TCF7L1: variants seen among roughly 807,000 people sequenced by gnomAD.
The protein encoded by TCF7L1 is transcription factor 7 like 1.
TCF7L1 carries 18 observed loss-of-function variants against 63.7 expected under a neutral mutation model. That is an observed-to-expected ratio of 0.28 (90% CI 0.20 to 0.42). The LOEUF is 0.42. Ranked by LOEUF, TCF7L1 falls within the 10% of genes least tolerant of loss-of-function variation. The probability of loss-of-function intolerance (pLI) is 1.00; values close to 1 mark genes in which losing one functional copy is unlikely to be tolerated. For missense variants in TCF7L1, 654 were observed against 779.3 expected (o/e 0.84, Z 1.91); for synonymous variants, 355 against 340.9 (o/e 1.04, Z -0.46).
chr2:85,167,720 T>C (rs1025277715), intron 3 of TCF7L1, among the ~76,000 whole-genome samples: 5 of 152,028 alleles, frequency 3.3e-5, no homozygotes, highest in Non-Finnish European at 7.4e-5. Context: ...AAAAATAAGC[T>C]GAGCATGGTG....
chr2:85,221,596 G>C (rs377474648), intron 3 of TCF7L1, among the ~76,000 whole-genome samples: 7 of 152,152 alleles, frequency 4.6e-5, no homozygotes, highest in African/African-American at 1.7e-4. Context: ...ACGGCAGAAT[G>C]GGGGATGGGG....
At chr2:85,250,313 C>G (rs985709831) in intron 3 of TCF7L1, among the ~76,000 whole-genome samples, 5 of 152,156 alleles carry the variant, frequency 3.3e-5, no homozygotes, top group African/African-American at 1.2e-4. Context: ...TGCAATAGAC[C>G]AAAGCCATAA....
At chr2:85,225,283 A>C (rs1253784375) in intron 3 of TCF7L1, among the ~76,000 whole-genome samples, 1 of 152,078 alleles carries the variant, frequency 6.6e-6, no homozygotes, top group Non-Finnish European at 1.5e-5. Flanking sequence ...TCCATATGAA[A>C]TTTAAAGTAG....
chr2:85,246,891 C>T (rs1470172156), intron 3 of TCF7L1, among the ~76,000 whole-genome samples: 2 of 152,190 alleles, frequency 1.3e-5, no homozygotes, highest in Non-Finnish European at 2.9e-5. Context: ...TGCTCTGTGC[C>T]TGATGTCACC....
intron 3 of TCF7L1, among the ~76,000 whole-genome samples, chr2:85,263,595 A>G (rs1465671411): frequency 1.3e-5 from 2 of 152,212 alleles, no homozygotes; most frequent in East Asian, 3.8e-4. Flanking sequence ...CATAATTGTT[A>G]AAGGTGTTCC....
chr2:85,306,187 C>A lies in TCF7L1; in HGVS notation c.990-19C>A. 1 of 1,613,930 alleles carries A rather than the reference C, an allele frequency of 6.2e-7. No individual in the cohort carries two copies. Among genetic ancestry groups the A allele is most frequent in the African/African-American group, 1.3e-5 (1 of 75,010 alleles). ...GTGTGACACCTGACATGCTAACCTA[C>A]AACCACGTGCCTTCCCAGGAAATCA... On this transcript the variant is annotated intron_variant, in intron 8 of 11. Coordinates refer to ENST00000282111, the MANE Select transcript of TCF7L1 (RefSeq NM_031283.3). The surrounding 1 kb of genome is among the most constrained non-coding windows in gnomAD (Gnocchi z 4.3).
At chr2:85,237,769 G>T (rs1431502468) in intron 3 of TCF7L1, among the ~76,000 whole-genome samples, 1 of 123,894 alleles carries the variant, frequency 8.1e-6, no homozygotes. Flanking sequence ...GGGGCATGAA[G>T]AAGGAGGGAG....
chr2:85,146,011 G>A (rs1230393323), intron 3 of TCF7L1, among the ~76,000 whole-genome samples: 2 of 152,036 alleles, frequency 1.3e-5, no homozygotes, highest in African/African-American at 4.8e-5. Context: ...GAGCCCAGCT[G>A]AGATGATGCA....
chr2:85,292,836 C>A (rs1244694491), intron 4 of TCF7L1, among the ~76,000 whole-genome samples: 1 of 152,246 alleles, frequency 6.6e-6, no homozygotes, highest in Non-Finnish European at 1.5e-5. Context: ...CCTTAGCCTC[C>A]CAAAGTGCTG....
At chr2:85,249,741 A>C (rs1364789247) in intron 3 of TCF7L1, among the ~76,000 whole-genome samples, 1 of 152,170 alleles carries the variant, frequency 6.6e-6, no homozygotes, top group Non-Finnish European at 1.5e-5. Flanking sequence ...CTGGGCCTCC[A>C]TCCAGGCCTT....
chr2:85,230,721 C>A (rs1680057466), intron 3 of TCF7L1, among the ~76,000 whole-genome samples: 1 of 152,168 alleles, frequency 6.6e-6, no homozygotes, highest in African/African-American at 2.4e-5. Context: ...CATAGAGTGC[C>A]CATTTCTCCT....
chr2:85,239,950 A>C (rs992419692), intron 3 of TCF7L1, among the ~76,000 whole-genome samples: 1 of 151,706 alleles, frequency 6.6e-6, no homozygotes, highest in Non-Finnish European at 1.5e-5. Flanking sequence ...CATCTAAAAA[A>C]AAAAAAAAAA....
intron 3 of TCF7L1, among the ~76,000 whole-genome samples, chr2:85,156,492 G>T (rs758373928): frequency 3.9e-5 from 6 of 152,218 alleles, no homozygotes; most frequent in Non-Finnish European, 5.9e-5. Context: ...GACCAGGGCA[G>T]ACCAGATGTG....
intron 3 of TCF7L1, among the ~76,000 whole-genome samples, chr2:85,229,520 G>A (rs1237395029): frequency 6.6e-6 from 1 of 152,178 alleles, no homozygotes; most frequent in Non-Finnish European, 1.5e-5. Context: ...ACTAGGAAGA[G>A]GCACACCAGA....
chr2:85,153,953 G>A (rs17025951), intron 3 of TCF7L1, among the ~76,000 whole-genome samples: 11,675 of 152,102 alleles, frequency 0.077, 507 homozygotes, highest in Middle Eastern at 0.11. Context: ...GTTCACTTCG[G>A]GTATCTTTCC....
At chr2:85,250,504 T>G (rs1297734897) in intron 3 of TCF7L1, among the ~76,000 whole-genome samples, 1 of 152,006 alleles carries the variant, frequency 6.6e-6, no homozygotes, top group Non-Finnish European at 1.5e-5. Context: ...TGGTGCTATC[T>G]CGGCTCACTG....
rs1682003459 is a variant in TCF7L1 at position 85,302,438 on chromosome 2, C to G, written c.526-46C>G. 4 of 1,613,474 alleles carry G rather than the reference C, an allele frequency of 2.5e-6. No homozygotes were observed. The East Asian group carries it at 6.7e-5, about 27-fold the overall frequency. On this transcript the variant is annotated intron_variant, in intron 4 of 11. Transcript: ENST00000282111. ...TCCATAAATAACAGCTGGTCATACTCTCCATCTCCTTGGCAACCATTCCTG... is the reference window on the plus strand; with the variant it reads ...TCCATAAATAACAGCTGGTCATACTGTCCATCTCCTTGGCAACCATTCCTG...
intron 3 of TCF7L1, among the ~76,000 whole-genome samples, chr2:85,224,996 A>G (rs534383134): frequency 1.1e-4 from 16 of 151,670 alleles, no homozygotes; most frequent in Admixed American, 5.9e-4. Flanking sequence ...CTTTCTACAT[A>G]TGGCTAGCCA....
intron 3 of TCF7L1, among the ~76,000 whole-genome samples, chr2:85,142,931 C>A (rs994248055): frequency 6.6e-6 from 1 of 152,216 alleles, no homozygotes; most frequent in Admixed American, 6.5e-5. Flanking sequence ...AAATTTCAAA[C>A]TTCTAAATTT....
Sources: allele counts gnomAD v4.1 joint callset (sites outside exome capture counted in the v4.1 genomes callset), GRCh38; gene constraint gnomAD v4.1.1; non-coding constraint Gnocchi (gnomAD v3.1); transcripts MANE v1.5; gene names NCBI Gene and HGNC (gene_info 2026-07-23, HGNC 2026-07-21).